The following DUSP8 variants were observed in gnomAD, a reference collection of about 807,000 sequenced individuals.
DUSP8 encodes dual specificity phosphatase 8.
Under a neutral mutation model 38.7 loss-of-function variants are expected in DUSP8, and 15 were observed. The ratio of observed to expected loss-of-function variants is 0.39; its 90% CI spans 0.26 to 0.60. The LOEUF is 0.60. Among genes scored for constraint, DUSP8 ranks in the 20% least tolerant of loss-of-function variants. The probability of loss-of-function intolerance (pLI) is 0.56; values close to 1 mark genes in which losing one functional copy is unlikely to be tolerated. For missense variants in DUSP8, 768 were observed against 915.0 expected (o/e 0.84, Z 2.07); for synonymous variants, 458 against 433.9 (o/e 1.06, Z -0.69).
In DUSP8 at chr11:1,554,603, C is replaced by T. The variant is rs1159181500; in HGVS notation, c.*1915G>A. On this transcript the variant is annotated 3_prime_UTR_variant, in exon 7 of 7. Coordinates refer to ENST00000397374, the MANE Select transcript of DUSP8 (RefSeq NM_004420.3). The stretch of plus-strand genomic sequence containing the variant: ...CAGAGACAGACTGAGACAGACAGCC[C>T]CCCTCAACGGCCTGCAGAAGGGACA... 2.0e-6 allele frequency: 2 copies of T among 984,750 alleles called. No individual in the cohort carries two copies. The highest frequency in any genetic ancestry group is 1.7e-5 in the African/African-American group (1 of 57,244). 61.0% of individuals were successfully genotyped at this position (984,750 alleles called of 1,614,324 possible).
chr11:1,555,152 C>A lies in DUSP8; in HGVS notation c.*1366G>T. 1.0e-6 allele frequency: 1 copy of A among 987,852 alleles called. No individual in the cohort carries two copies. Among genetic ancestry groups the A allele is most frequent in the Non-Finnish European group, 1.2e-6 (1 of 830,186 alleles). 61.2% of individuals were successfully genotyped at this position (987,852 alleles called of 1,614,324 possible). On this transcript the variant is annotated 3_prime_UTR_variant, in exon 7 of 7. Coordinates refer to ENST00000397374, the MANE Select transcript of DUSP8 (RefSeq NM_004420.3). ...TAGGACATCTGAAGGGCAGGGGTCC[C>A]AATGGCCCGAGGGGGTATGGGGCAG...
intron 3 of DUSP8, among the ~76,000 whole-genome samples, chr11:1,561,015 AG>A (rs1274195241): frequency 1.3e-5 from 2 of 152,132 alleles, no homozygotes; most frequent in Admixed American, 1.3e-4. Context: ...CAGGCGGAGC[AG>A]GTAGTGTGGA....
intron 1 of DUSP8, among the ~76,000 whole-genome samples, chr11:1,568,270 A>G (rs1474799841): frequency 6.6e-6 from 1 of 151,608 alleles, no homozygotes; most frequent in African/African-American, 2.4e-5. Context: ...TGCAGCCCTG[A>G]GTCCTGACAC....
chr11:1,567,317 C>T (rs1188655304), intron 1 of DUSP8, among the ~76,000 whole-genome samples: 1 of 152,214 alleles, frequency 6.6e-6, no homozygotes, highest in Non-Finnish European at 1.5e-5. Flanking sequence ...GGGGGAGGCG[C>T]CCTGAGGACA....
intron 3 of DUSP8, among the ~76,000 whole-genome samples, chr11:1,562,761 G>A (rs1367398657): frequency 6.6e-6 from 1 of 152,044 alleles, no homozygotes; most frequent in East Asian, 1.9e-4. Context: ...GTCACCAGAC[G>A]CCCAGAGCCA....
intron 1 of DUSP8, 122 bp downstream of exon 1, chr11:1,571,779 C>T (rs1431072419): frequency 2.0e-5 from 3 of 150,364 alleles, no homozygotes; most frequent in African/African-American, 7.3e-5. Flanking sequence ...GCCTCCTCCT[C>T]CCGGGCGCCC....
rs750112490 is a variant in DUSP8, at chr11:1,556,272, G to A, written c.*246C>T. On this transcript the variant is annotated 3_prime_UTR_variant, in exon 7 of 7. Transcript: ENST00000397374. The surrounding 1 kb of genome is among the most constrained non-coding windows in gnomAD (Gnocchi z 5.2). ...CCTGGCACCCAGCTTGCGACTGAAGGTGGCCTCGTATTGCTTAGAAACGTA... is the reference window on the plus strand; with the variant it reads ...CCTGGCACCCAGCTTGCGACTGAAGATGGCCTCGTATTGCTTAGAAACGTA... 8.9e-6 allele frequency: 4 copies of A among 451,426 alleles called. No homozygotes were observed. The highest frequency in any genetic ancestry group is 4.7e-5 in the Admixed American group (1 of 21,496). The allele number at this position is 451,426 out of a possible 1,614,324, so 28.0% of individuals were successfully genotyped here. A position where few individuals can be genotyped will look rare whatever the true frequency, so the allele number is the denominator to read the frequency against.
Position 1,554,531 on chromosome 11 carries a change from C to G in DUSP8, c.*1987G>C, listed in dbSNP as rs770068825. On this transcript the variant is annotated 3_prime_UTR_variant, in exon 7 of 7. Transcript: ENST00000397374. ...GTGGCCAACACAGGACCTTCGCCCC[C>G]CTGCTGGCTGCTCACTTTGCGGTAA... 2.8e-5 allele frequency: 16 copies of G among 579,614 alleles called. No individual in the cohort carries two copies. The Middle Eastern group carries it at 2.2e-3, about 78-fold the overall frequency. 35.9% of individuals were successfully genotyped at this position (579,614 alleles called of 1,614,324 possible). A position where few individuals can be genotyped will look rare whatever the true frequency, so the allele number is the denominator to read the frequency against.
At position 1,556,588 on chromosome 11, in the gene DUSP8, C is replaced by T; in HGVS notation, c.1808G>A (p.Gly603Asp). Reference sequence around the variant, plus strand: ...CTTGCCCAGGGCGGCCAGCTCCTCGCCGCGCGCGCGCCCCTCCACCATGCC... The same window carrying T: ...CTTGCCCAGGGCGGCCAGCTCCTCGTCGCGCGCGCGCCCCTCCACCATGCC... Reference protein sequence around the residue: ...EEGMVEGRARGEELAALGKQA... With the variant: ...EEGMVEGRARDEELAALGKQA... The change falls in exon 7 of 7, where the codon GGC becomes GAC. Residue 603 changes from glycine to aspartate, a missense_variant. Coordinates refer to ENST00000397374, the MANE Select transcript of DUSP8 (RefSeq NM_004420.3). This position sits in a 1 kb window ranked among gnomAD's most constrained non-coding sequence, Gnocchi z 5.2. 2.8e-6 allele frequency: 4 copies of T among 1,434,642 alleles called. No individual in the cohort carries two copies. The highest frequency in any genetic ancestry group is 1.8e-6 in the Non-Finnish European group (2 of 1,094,556). 88.9% of individuals were successfully genotyped at this position (1,434,642 alleles called of 1,614,324 possible). A position where few individuals can be genotyped will look rare whatever the true frequency, so the allele number is the denominator to read the frequency against.
chr11:1,556,199 A>C lies in DUSP8; in HGVS notation c.*319T>G. The stretch of plus-strand genomic sequence containing the variant: ...GCACGAAAGCTCGGCAGCCTTTGCA[A>C]AGGTCAGCAGTGTTTCCTGGGGCGG... On this transcript the variant is annotated 3_prime_UTR_variant, in exon 7 of 7. Coordinates refer to ENST00000397374, the MANE Select transcript of DUSP8 (RefSeq NM_004420.3). The surrounding 1 kb of genome is among the most constrained non-coding windows in gnomAD (Gnocchi z 5.2). The C allele has an allele frequency of 3.7e-6, 1 of 270,064 alleles. No homozygotes were observed. Among genetic ancestry groups the C allele is most frequent in the Non-Finnish European group, 6.9e-6 (1 of 145,288 alleles). The allele number at this position is 270,064 out of a possible 1,614,324, so 16.7% of individuals were successfully genotyped here. A position where few individuals can be genotyped will look rare whatever the true frequency, so the allele number is the denominator to read the frequency against.
chr11:1,570,364 A>T (rs1213030833), intron 1 of DUSP8, among the ~76,000 whole-genome samples: 1 of 152,114 alleles, frequency 6.6e-6, no homozygotes, highest in African/African-American at 2.4e-5. Context: ...CCAGAGTCCA[A>T]CCACCTCTCT....
chr11:1,558,109 C>T lies in DUSP8; in HGVS notation c.697+3G>A, dbSNP rs1374207442. 2 of 1,611,988 alleles carry T rather than the reference C, an allele frequency of 1.2e-6. No homozygotes were observed. The highest frequency in any genetic ancestry group is 1.7e-6 in the Non-Finnish European group (2 of 1,179,858). On this transcript the variant is annotated splice_donor_region_variant and intron_variant, in intron 5 of 6. Transcript: ENST00000397374. This position sits in a 1 kb window ranked among gnomAD's most constrained non-coding sequence, Gnocchi z 6.3. ...CCCTGCCCTCCGCCCACCGCAGACT[C>T]ACCGATGAACTCGATGGACTTGTCC...
At position 1,554,130 on chromosome 11, in the gene DUSP8, GT is replaced by G. The variant is rs1259250109; in HGVS notation, c.*2387del. 1 of 153,930 alleles carries G rather than the reference GT, an allele frequency of 6.5e-6. No homozygotes were observed. Among genetic ancestry groups the G allele is most frequent in the East Asian group, 1.9e-4 (1 of 5,214 alleles). The allele number at this position is 153,930 out of a possible 1,614,324, so 9.5% of individuals were successfully genotyped here. ...GGGGCCGGGAGCAGAAGGTGCGGCT[GT>G]GGCGGGAGGGGCTCCAAGGGGGGCT... On this transcript the variant is annotated 3_prime_UTR_variant, in exon 7 of 7. Coordinates refer to ENST00000397374, the MANE Select transcript of DUSP8 (RefSeq NM_004420.3).
chr11:1,563,214 G>A (rs1848749330), intron 3 of DUSP8, among the ~76,000 whole-genome samples: 2 of 152,286 alleles, frequency 1.3e-5, no homozygotes, highest in South Asian at 2.1e-4. Context: ...AGCTCCGTCC[G>A]GCTCTGGGAC....
In DUSP8 at chr11:1,556,753, G is replaced by A. The variant is rs1848631133; in HGVS notation, c.1643C>T (p.Pro548Leu). The A allele has an allele frequency of 8.3e-6, 10 of 1,206,740 alleles. No homozygotes were observed. Among genetic ancestry groups the A allele is most frequent in the African/African-American group, 3.2e-5 (2 of 63,128 alleles). The allele number at this position is 1,206,740 out of a possible 1,614,324, so 74.8% of individuals were successfully genotyped here. Residue 548 changes from proline to leucine, a missense_variant, in exon 7 of 7, where the codon CCG (proline) becomes CTG (leucine). This residue lies in a region of DUSP8 where 474 missense variants were observed against 430.8 expected (regional missense o/e 1.10). Transcript: ENST00000397374. The surrounding 1 kb of genome is among the most constrained non-coding windows in gnomAD (Gnocchi z 5.2). ...LFAPFGRAGA[P>L]GPGGGSDLRR... Reference sequence around the variant, plus strand: ...CAGGTCGCTGCCGCCGCCTGGTCCCGGGGCGCCCGCCCGGCCGAAGGGCGC... The same window carrying A: ...CAGGTCGCTGCCGCCGCCTGGTCCCAGGGCGCCCGCCCGGCCGAAGGGCGC...
At chr11:1,572,563 C>T (rs1048209749), upstream of DUSP8, among the ~76,000 whole-genome samples, 14 of 151,690 alleles carry the variant, frequency 9.2e-5, no homozygotes, top group African/African-American at 3.1e-4. The surrounding 1 kb of genome is among the most constrained non-coding windows in gnomAD (Gnocchi z 4.7). Context: ...GGCCCCGGGC[C>T]CCGCGTCACC....
rs2133424429 is a variant in DUSP8 at position 1,555,512 on chromosome 11, A to T, written c.*1006T>A. Reference sequence around the variant, plus strand: ...GAGGGGGGCGGGGCAGACCTGGAACAGAACCCTAAGACCACCCCCTCCTCA... The same window carrying T: ...GAGGGGGGCGGGGCAGACCTGGAACTGAACCCTAAGACCACCCCCTCCTCA... On this transcript the variant is annotated 3_prime_UTR_variant, in exon 7 of 7. Coordinates refer to ENST00000397374, the MANE Select transcript of DUSP8 (RefSeq NM_004420.3). 2 of 970,792 alleles carry T rather than the reference A, an allele frequency of 2.1e-6. No homozygotes were observed. The highest frequency in any genetic ancestry group is 2.5e-6 in the Non-Finnish European group (2 of 816,232). 60.1% of individuals were successfully genotyped at this position (970,792 alleles called of 1,614,324 possible).
intron 3 of DUSP8, among the ~76,000 whole-genome samples, chr11:1,559,697 AG>A (rs1371414175): frequency 2.6e-5 from 4 of 152,188 alleles, no homozygotes; most frequent in Admixed American, 6.5e-5. Flanking sequence ...TCCACCCAGC[AG>A]GGGAGGACGG....
At chr11:1,562,992 C>T (rs1323274753) in intron 3 of DUSP8, among the ~76,000 whole-genome samples, 2 of 152,158 alleles carry the variant, frequency 1.3e-5, no homozygotes, top group African/African-American at 4.8e-5. Context: ...CACAGTCGCC[C>T]TCAGGCTGGG....
Sources: gnomAD v4.1 joint callset for allele counts (sites outside exome capture counted in the v4.1 genomes callset) on GRCh38, gnomAD v4.1.1 for gene constraint, gnomAD v4.1.1 regional missense constraint, Gnocchi (gnomAD v3.1) non-coding constraint, MANE v1.5 for transcripts, NCBI Gene and HGNC (gene_info 2026-07-23, HGNC 2026-07-21) for gene names.